The following HSD11B1 variants were observed in gnomAD, a reference collection of about 807,000 sequenced individuals.
The protein encoded by HSD11B1 is 11-beta-hydroxysteroid dehydrogenase 1.
HSD11B1 carries 15 observed loss-of-function variants against 22.1 expected under a neutral mutation model. The observed-to-expected ratio is 0.68, with a 90% confidence interval of 0.45 to 1.04. The LOEUF is 1.04. HSD11B1 is among the 50% of genes least tolerant of loss of function. The probability of loss-of-function intolerance (pLI) is 0.00; values close to 1 mark genes in which losing one functional copy is unlikely to be tolerated. For missense variants in HSD11B1, 281 were observed against 357.6 expected (o/e 0.79, Z 1.73); for synonymous variants, 122 against 125.2 (o/e 0.97, Z 0.17).
upstream of HSD11B1, among the ~76,000 whole-genome samples, chr1:209,702,697 T>C (rs1219678292): frequency 1.3e-5 from 2 of 152,208 alleles, no homozygotes; most frequent in African/African-American, 2.4e-5. Context: ...TAATTTCTAA[T>C]GCATAAATTG....
At chr1:209,732,304 C>G in intron 4 of HSD11B1, 132 bp from the exon 5 acceptor site, 1 of 965,906 alleles carries the variant, frequency 1.0e-6, no homozygotes, top group Non-Finnish European at 1.6e-6. Flanking sequence ...AGTATAACTT[C>G]CATGGGGAAT....
rs1475336475 is a variant in HSD11B1, at chr1:209,722,210, C to A, written c.518-10226C>A. Among the ~76,000 whole-genome samples, 4 of 152,188 alleles carry A rather than the reference C, an allele frequency of 2.6e-5. No individual in the cohort carries two copies. In the East Asian group the frequency reaches 7.7e-4, roughly 29 times the overall value. On this transcript the variant is annotated intron_variant, in intron 4 of 5. Transcript: ENST00000367027. ...CCATTTCATATCCTGTCAACAGGCCCCATACCTGCATAGAAATATTCTTGC... is the reference window on the plus strand; with the variant it reads ...CCATTTCATATCCTGTCAACAGGCCACATACCTGCATAGAAATATTCTTGC...
intron 4 of HSD11B1, among the ~76,000 whole-genome samples, chr1:209,717,165 T>G (rs1272024931): frequency 1.3e-5 from 2 of 152,130 alleles, no homozygotes; most frequent in African/African-American, 4.8e-5. Context: ...CGACAAGGAC[T>G]AATATCCAGA....
At chr1:209,692,609 G>GGGGT (rs1049957701) in intron 1 of HSD11B1, among the ~76,000 whole-genome samples, 21 of 94,196 alleles carry the variant, frequency 2.2e-4, no homozygotes, top group Non-Finnish European at 3.0e-4. Context: ...TAAAATGGCG[G>GGGGT]GGGGGGGGGT....
In HSD11B1 at chr1:209,730,672, A is replaced by G. The variant is rs528661938; in HGVS notation, c.518-1764A>G. ...TTCCATCTAGAATATTTTTTGCTAT[A>G]TGACATAAAACAAAGAGTTAATTTT... On this transcript the variant is annotated intron_variant, in intron 4 of 5. Transcript: ENST00000367027. 1.2e-4 allele frequency among the ~76,000 whole-genome samples: 19 copies of G among 152,318 alleles called. No homozygotes were observed. The East Asian group carries it at 3.7e-3, about 29-fold the overall frequency.
At chr1:209,695,891 A>G (rs1359627872) in intron 1 of HSD11B1, among the ~76,000 whole-genome samples, 1 of 152,234 alleles carries the variant, frequency 6.6e-6, no homozygotes, top group African/African-American at 2.4e-5. Context: ...AAATAAAAAC[A>G]TACGTTCACA....
intron 4 of HSD11B1, among the ~76,000 whole-genome samples, chr1:209,710,631 C>G (rs187791589): frequency 2.0e-4 from 31 of 152,290 alleles, no homozygotes; most frequent in Admixed American, 3.9e-4. Context: ...GTTAAACATA[C>G]TCGGCAAGCA....
intron 5 of HSD11B1, 133 bp downstream of exon 5, chr1:209,732,712 T>C (rs1267986505): frequency 2.7e-6 from 2 of 754,042 alleles, no homozygotes; most frequent in Non-Finnish European, 4.6e-6. Flanking sequence ...ACTCGTCACT[T>C]ACATTAGGTA....
At chr1:209,694,053 G>A (rs1474580850) in intron 1 of HSD11B1, among the ~76,000 whole-genome samples, 2 of 151,964 alleles carry the variant, frequency 1.3e-5, no homozygotes, top group African/African-American at 4.8e-5. Flanking sequence ...CTCCCCTTCC[G>A]CCCAACCCTC....
Position 209,706,050 on chromosome 1 carries a change from G to A in HSD11B1, c.219+109G>A, listed in dbSNP as rs888281525. 5.7e-6 allele frequency: 8 copies of A among 1,393,908 alleles called. No homozygotes were observed. The highest frequency in any genetic ancestry group is 8.1e-6 in the Non-Finnish European group (8 of 987,898). 86.3% of individuals were successfully genotyped at this position (1,393,908 alleles called of 1,614,324 possible). A position where few individuals can be genotyped will look rare whatever the true frequency, so the allele number is the denominator to read the frequency against. ...GCATATCGCAGATCTATATACAGAG[G>A]CACATGCACACACACAGACACTTAA... On this transcript the variant is annotated intron_variant, in intron 2 of 5. Transcript: ENST00000367027. This position sits in a 1 kb window ranked among gnomAD's most constrained non-coding sequence, Gnocchi z 4.0.
intron 1 of HSD11B1, among the ~76,000 whole-genome samples, chr1:209,696,111 C>T (rs74399656): frequency 0.097 from 14,715 of 152,246 alleles, 969 homozygotes; most frequent in Non-Finnish European, 0.14. Flanking sequence ...AAAGATTACA[C>T]GTTGTGTAGT....
intron 4 of HSD11B1, among the ~76,000 whole-genome samples, chr1:209,728,056 C>G (rs868011713): frequency 1.3e-5 from 2 of 152,202 alleles, no homozygotes; most frequent in South Asian, 4.1e-4. Flanking sequence ...GGGATGAGGG[C>G]AGGAAGTCCA....
chr1:209,706,089 T>C lies in HSD11B1; in HGVS notation c.219+148T>C. 1 of 995,952 alleles carries C rather than the reference T, an allele frequency of 1.0e-6. No individual in the cohort carries two copies. Among genetic ancestry groups the C allele is most frequent in the Non-Finnish European group, 1.5e-6 (1 of 655,888 alleles). 61.7% of individuals were successfully genotyped at this position (995,952 alleles called of 1,614,324 possible). A position where few individuals can be genotyped will look rare whatever the true frequency, so the allele number is the denominator to read the frequency against. On this transcript the variant is annotated intron_variant, in intron 2 of 5. Coordinates refer to ENST00000367027, the MANE Select transcript of HSD11B1 (RefSeq NM_005525.4). The surrounding 1 kb of genome is among the most constrained non-coding windows in gnomAD (Gnocchi z 4.0). The stretch of plus-strand genomic sequence containing the variant: ...ACAGACACTTAATTTTGCACTCTCA[T>C]ATATAGATTCAAACACCAAAAAACC...
chr1:209,703,738 C>A (rs1013019161), upstream of HSD11B1, among the ~76,000 whole-genome samples: 1 of 152,188 alleles, frequency 6.6e-6, no homozygotes, highest in East Asian at 1.9e-4. Context: ...TCCTCCAAAG[C>A]ACTGATACTT....
chr1:209,734,189 T>C, intron 5 of HSD11B1, 115 bp from the exon 6 acceptor site: 1 of 777,706 alleles, frequency 1.3e-6, no homozygotes, highest in Non-Finnish European at 2.2e-6. Context: ...CTGTGAGGCT[T>C]GCAGAGCAAA....
intron 1 of HSD11B1, among the ~76,000 whole-genome samples, chr1:209,691,750 T>C (rs2076760834): frequency 6.6e-6 from 1 of 152,202 alleles, no homozygotes; most frequent in Admixed American, 6.5e-5. Flanking sequence ...AATTGTGTTA[T>C]TATAATATTA....
At chr1:209,711,443 G>A (rs887475833) in intron 4 of HSD11B1, among the ~76,000 whole-genome samples, 5 of 152,158 alleles carry the variant, frequency 3.3e-5, no homozygotes, top group African/African-American at 4.8e-5. Flanking sequence ...AAAAAATGCC[G>A]CTTTACCCTT....
At chr1:209,724,084 T>C (rs1178336683) in intron 4 of HSD11B1, 1 of 152,402 alleles carries the variant, frequency 6.6e-6, no homozygotes, top group Non-Finnish European at 1.5e-5. Flanking sequence ...AGAGAAGGGA[T>C]GAGTCCTGGG....
chr1:209,729,971 A>G (rs1273994725), intron 4 of HSD11B1, among the ~76,000 whole-genome samples: 2 of 152,216 alleles, frequency 1.3e-5, no homozygotes, highest in South Asian at 2.1e-4. Context: ...TATAGAAGGG[A>G]TATACCTCAA....
Sources: allele counts gnomAD v4.1 joint callset (sites outside exome capture counted in the v4.1 genomes callset), GRCh38; gene constraint gnomAD v4.1.1; non-coding constraint Gnocchi (gnomAD v3.1); transcripts MANE v1.5; gene names NCBI Gene and HGNC (gene_info 2026-07-23, HGNC 2026-07-21).